TBC1D5: variants seen among roughly 807,000 people sequenced by gnomAD.
TBC1D5 encodes TBC1 domain family, member 5.
TBC1D5 carries 75 observed loss-of-function variants against 100.3 expected under a neutral mutation model. That is an observed-to-expected ratio of 0.75 (90% confidence interval 0.62 to 0.91). The LOEUF (loss-of-function observed/expected upper bound fraction) is 0.91. Ranked by LOEUF, TBC1D5 falls within the 40% of genes least tolerant of loss-of-function variation. The probability of loss-of-function intolerance (pLI) is 0.00; values close to 1 mark genes in which losing one functional copy is unlikely to be tolerated. For synonymous variants in TBC1D5, 323 were observed against 325.6 expected, an observed-to-expected ratio of 0.99 and a Z score of 0.09; for missense variants, 910 against 942.4, an observed-to-expected ratio of 0.97 and a Z score of 0.45.
At chr3:17,254,770 G>GGGT (rs2077489796) in intron 16 of TBC1D5, among the ~76,000 whole-genome samples, 1 of 103,558 alleles carries the variant, frequency 9.7e-6, no homozygotes, top group Non-Finnish European at 1.8e-5. Context: ...CGGGGGTGGG[G>GGGT]GGGGGGTCCC....
At chr3:17,570,467 T>C (rs561135702) in intron 2 of TBC1D5, among the ~76,000 whole-genome samples, 1 of 152,096 alleles carries the variant, frequency 6.6e-6, no homozygotes, top group East Asian at 1.9e-4. Flanking sequence ...AACACTATTT[T>C]CTACATTTTA....
rs73143760 is a variant in TBC1D5 at position 17,247,111 on chromosome 3, C to T, written c.1332-8692G>A. ...GGTAAGGTTAGTCACATGGGCATTC[C>T]ATGCCTACATGACTGACTCCCAGTA... On this transcript the variant is annotated intron_variant, in intron 16 of 21. Transcript: ENST00000253692. Among the ~76,000 whole-genome samples, 760 of 152,248 alleles carry T rather than the reference C, an allele frequency of 5.0e-3. 5 individuals are homozygous for T. The highest frequency in any genetic ancestry group is 0.017 in the African/African-American group (718 of 41,532).
At chr3:17,535,477 T>C (rs560824888) in intron 2 of TBC1D5, among the ~76,000 whole-genome samples, 1 of 152,298 alleles carries the variant, frequency 6.6e-6, no homozygotes, top group East Asian at 1.9e-4. Context: ...TTGTACCTTA[T>C]GATTTCAGCA....
intron 13 of TBC1D5, among the ~76,000 whole-genome samples, chr3:17,369,711 T>A (rs939174718): frequency 2.6e-5 from 4 of 152,126 alleles, no homozygotes; most frequent in African/African-American, 9.7e-5. Flanking sequence ...AGATGGGTAG[T>A]ACAGATGGTA....
At chr3:17,536,968 AGACCTTAAAGGT>A (rs1186839672) in intron 2 of TBC1D5, among the ~76,000 whole-genome samples, 1 of 152,208 alleles carries the variant, frequency 6.6e-6, no homozygotes, top group Non-Finnish European at 1.5e-5. Context: ...AAATGTCTAC[AGACCTTAAAGGT>A]GTCAGACTGT....
At chr3:17,556,075 C>T (rs547858275) in intron 2 of TBC1D5, among the ~76,000 whole-genome samples, 9 of 152,092 alleles carry the variant, frequency 5.9e-5, no homozygotes, top group Middle Eastern at 3.4e-3. Context: ...CAGGCAGTGG[C>T]GCAATCTCAG....
intron 19 of TBC1D5, among the ~76,000 whole-genome samples, chr3:17,181,849 C>T (rs924220631): frequency 6.6e-6 from 1 of 152,130 alleles, no homozygotes; most frequent in Non-Finnish European, 1.5e-5. Context: ...GTTTTTATCA[C>T]CTAATAATCT....
In TBC1D5 at chr3:17,281,294, A is replaced by C. The variant is rs553952067; in HGVS notation, c.1245+10601T>G. ...TTAGAGAAAGACACAGTGTAGGGGA[A>C]TCAAACTACAAAGTTCCTCTTTAAA... is the stretch of plus-strand genomic sequence containing the variant. On this transcript the variant is annotated intron_variant, in intron 15 of 21. Coordinates refer to ENST00000253692, the Ensembl canonical transcript of TBC1D5. Among the ~76,000 whole-genome samples, 26 of 152,394 alleles carry C rather than the reference A, an allele frequency of 1.7e-4. 1 individual carries two copies. The South Asian group carries it at 5.4e-3, about 32-fold the overall frequency.
intron 7 of TBC1D5, 33 bp downstream of exon 7, chr3:17,404,661 A>G (rs2093723713): frequency 6.5e-7 from 1 of 1,549,518 alleles, no homozygotes; most frequent in African/African-American, 1.4e-5. Context: ...TAGCAGCAAA[A>G]GAGGTTAAGA....
chr3:17,504,834 C>T (rs1417268981), intron 3 of TBC1D5, among the ~76,000 whole-genome samples: 2 of 152,180 alleles, frequency 1.3e-5, no homozygotes, highest in Non-Finnish European at 2.9e-5. Context: ...TCCACCTCTA[C>T]TATATGGAAA....
At chr3:17,345,219 A>T (rs1273724824) in intron 13 of TBC1D5, among the ~76,000 whole-genome samples, 1 of 152,204 alleles carries the variant, frequency 6.6e-6, no homozygotes, top group Admixed American at 6.5e-5. Context: ...AAACAAATTT[A>T]CAAGAAAAAA....
intron 17 of TBC1D5, among the ~76,000 whole-genome samples, chr3:17,217,366 G>A (rs2073775085): frequency 6.6e-6 from 1 of 151,862 alleles, no homozygotes; most frequent in African/African-American, 2.4e-5. Flanking sequence ...TGGACATATT[G>A]TTTCCCTTTG....
At chr3:17,393,604 T>C (rs781544545) in intron 8 of TBC1D5, among the ~76,000 whole-genome samples, 5 of 152,134 alleles carry the variant, frequency 3.3e-5, no homozygotes, top group Non-Finnish European at 5.9e-5. Context: ...CAAAACAGCA[T>C]GGTACTGGTA....
exon 22 of TBC1D5, chr3:17,161,209 G>C: frequency 6.2e-7 from 1 of 1,614,174 alleles, no homozygotes; most frequent in East Asian, 2.2e-5. Flanking sequence ...TCAGGATGAA[G>C]TCATCGGAAT....
chr3:17,376,427 G>GT, intron 10 of TBC1D5, 98 bp downstream of exon 10: 1 of 1,000,536 alleles, frequency 1.0e-6, no homozygotes, highest in Non-Finnish European at 1.5e-6. Flanking sequence ...TGTACAGCTT[G>GT]TAAGTACCTT....
intron 18 of TBC1D5, among the ~76,000 whole-genome samples, chr3:17,209,766 G>C (rs2072714662): frequency 6.6e-6 from 1 of 152,080 alleles, no homozygotes; most frequent in Non-Finnish European, 1.5e-5. Context: ...CTTTTACAAA[G>C]TTATCACCCA....
intron 1 of TBC1D5, among the ~76,000 whole-genome samples, chr3:17,685,615 TC>T: frequency 6.6e-6 from 1 of 151,948 alleles, no homozygotes; most frequent in Non-Finnish European, 1.5e-5. Flanking sequence ...ATTGGTAAAA[TC>T]CTCATCTCAA....
intron 3 of TBC1D5, among the ~76,000 whole-genome samples, chr3:17,463,317 G>C (rs1275346557): frequency 1.3e-5 from 2 of 152,158 alleles, no homozygotes; most frequent in South Asian, 2.1e-4. Context: ...TTAACTTGCT[G>C]ATATTTATTT....
intron 14 of TBC1D5, among the ~76,000 whole-genome samples, chr3:17,300,068 C>T (rs2082676989): frequency 6.6e-6 from 1 of 151,898 alleles, no homozygotes; most frequent in African/African-American, 2.4e-5. Flanking sequence ...AAATAACAGA[C>T]AATGTGCTAC....
Sources: allele counts gnomAD v4.1 joint callset (sites outside exome capture counted in the v4.1 genomes callset), GRCh38; gene constraint gnomAD v4.1.1; transcripts MANE v1.5; gene names NCBI Gene and HGNC (gene_info 2026-07-23, HGNC 2026-07-21).